The following CNN3 variants were observed in gnomAD, a reference collection of about 807,000 sequenced individuals.
The protein encoded by CNN3 is calponin-3.
In CNN3, 11 loss-of-function variants were observed where a neutral mutation model predicts 39.0. The observed-to-expected ratio is 0.28, with a 90% CI of 0.18 to 0.47. The LOEUF is 0.47. CNN3 is among the 20% of genes least tolerant of loss of function. The pLI is 0.99. For synonymous variants in CNN3, 101 were observed against 138.3 expected (o/e 0.73, Z 1.89); for missense variants, 266 against 403.4 (o/e 0.66, Z 2.92).
At position 94,911,376 on chromosome 1, in the gene CNN3, T is replaced by C. The variant is rs117062170; in HGVS notation, c.58-7852A>G. Reference sequence around the variant, plus strand: ...GTGTCTTCAGATCAAGGTATCAGCATATGGCACCAACCAGCACAAATTTTT... The same window carrying C: ...GTGTCTTCAGATCAAGGTATCAGCACATGGCACCAACCAGCACAAATTTTT... On this transcript the variant is annotated intron_variant, in intron 1 of 6. Coordinates refer to ENST00000370206, the MANE Select transcript of CNN3 (RefSeq NM_001839.5). 5.2e-4 allele frequency among the ~76,000 whole-genome samples: 79 copies of C among 152,330 alleles called. No homozygotes were observed. In the East Asian group the frequency reaches 0.012, roughly 23 times the overall value.
intron 1 of CNN3, among the ~76,000 whole-genome samples, chr1:94,913,573 G>A (rs948745199): frequency 6.6e-6 from 1 of 152,240 alleles, no homozygotes; most frequent in Non-Finnish European, 1.5e-5. Flanking sequence ...GCATTCTGAA[G>A]GGACACTGAT....
intron 1 of CNN3, among the ~76,000 whole-genome samples, chr1:94,911,626 G>A (rs1671167307): frequency 6.6e-6 from 1 of 152,074 alleles, no homozygotes; most frequent in Admixed American, 6.6e-5. Context: ...AAAATTAGCT[G>A]GGCATGATGG....
At position 94,903,137 on chromosome 1, in the gene CNN3, TGAGGA is replaced by T. The variant is rs1465397189; in HGVS notation, c.226_230del (p.Ser76ThrfsTer14). On this transcript the variant is annotated frameshift_variant, in exon 3 of 7. Coordinates refer to ENST00000370206, the MANE Select transcript of CNN3 (RefSeq NM_001839.5). LOFTEE classifies it high-confidence loss of function. The stretch of plus-strand genomic sequence containing the variant: ...TGGCTGTTACCTGAGGCCAGTTCAG[TGAGGA>T]CTCGTTGACCTTCTTCACTGAGCCT... The T allele has an allele frequency of 1.2e-6, 2 of 1,610,114 alleles. No homozygotes were observed. Among genetic ancestry groups the T allele is most frequent in the Non-Finnish European group, 1.7e-6 (2 of 1,177,892 alleles).
At chr1:94,907,676 C>A (rs369628557) in intron 1 of CNN3, among the ~76,000 whole-genome samples, 1 of 152,100 alleles carries the variant, frequency 6.6e-6, no homozygotes, top group Non-Finnish European at 1.5e-5. Flanking sequence ...CTGGCTAACA[C>A]GGTGAAACCC....
At chr1:94,912,679 C>T (rs1012468060) in intron 1 of CNN3, among the ~76,000 whole-genome samples, 2 of 152,226 alleles carry the variant, frequency 1.3e-5, no homozygotes, top group African/African-American at 4.8e-5. Context: ...TTTTCACCCA[C>T]TGACAGGATT....
intron 1 of CNN3, among the ~76,000 whole-genome samples, chr1:94,918,859 C>T (rs1671362072): frequency 6.6e-6 from 1 of 150,524 alleles, no homozygotes; most frequent in Non-Finnish European, 1.5e-5. Flanking sequence ...TGCCACTGTA[C>T]TCCAGCCCAG....
intron 5 of CNN3, 57 bp downstream of exon 5, chr1:94,901,612 T>C: frequency 4.2e-6 from 5 of 1,194,370 alleles, no homozygotes; most frequent in East Asian, 2.4e-5. Context: ...ATATTTTGCA[T>C]GGTGAGAATT....
chr1:94,908,145 T>C (rs1202886810), intron 1 of CNN3, among the ~76,000 whole-genome samples: 1 of 152,216 alleles, frequency 6.6e-6, no homozygotes, highest in Non-Finnish European at 1.5e-5. Flanking sequence ...GCACACCTGC[T>C]GGAGACTCCT....
chr1:94,904,688 AGT>A (rs1422484763), intron 1 of CNN3, among the ~76,000 whole-genome samples: 1 of 152,110 alleles, frequency 6.6e-6, no homozygotes, highest in Non-Finnish European at 1.5e-5. Context: ...TCGAGGCTAC[AGT>A]GAGCCATGAT....
At chr1:94,925,764 G>T in intron 1 of CNN3, 1 of 985,456 alleles carries the variant, frequency 1.0e-6, no homozygotes, top group Non-Finnish European at 1.2e-6. Flanking sequence ...CTCCCGGGAG[G>T]TTAATGGGAA....
chr1:94,925,530 A>G, intron 1 of CNN3: 1 of 885,274 alleles, frequency 1.1e-6, no homozygotes, highest in Non-Finnish European at 1.4e-6. Flanking sequence ...TACATAGACT[A>G]AAATCAACTC....
At chr1:94,907,151 G>C (rs915029725) in intron 1 of CNN3, among the ~76,000 whole-genome samples, 4 of 152,126 alleles carry the variant, frequency 2.6e-5, no homozygotes, top group African/African-American at 9.7e-5. Flanking sequence ...GAAGAAATTC[G>C]TATGTACAAG....
At chr1:94,903,567 C>T (rs1404541274) in intron 1 of CNN3, 43 bp from the exon 2 acceptor site, 4 of 1,611,682 alleles carry the variant, frequency 2.5e-6, no homozygotes, top group Non-Finnish European at 3.4e-6. Context: ...TTCACAAAAG[C>T]ATCAGAAACT....
intron 1 of CNN3, among the ~76,000 whole-genome samples, chr1:94,918,519 A>AAAAAAAAAAAAAAAAC: frequency 7.3e-6 from 1 of 136,930 alleles, no homozygotes; most frequent in Non-Finnish European, 1.6e-5. Flanking sequence ...AAAAAAAAAA[A>AAAAAAAAAAAAAAAAC]AGTCGGCAAG....
chr1:94,908,448 G>A (rs1671070966), intron 1 of CNN3, among the ~76,000 whole-genome samples: 1 of 152,202 alleles, frequency 6.6e-6, no homozygotes, highest in African/African-American at 2.4e-5. Flanking sequence ...TCACCCTTCA[G>A]TTCAAATGCA....
chr1:94,898,188 G>T, intron 6 of CNN3, 105 bp from the exon 7 acceptor site: 2 of 1,167,332 alleles, frequency 1.7e-6, no homozygotes, highest in Non-Finnish European at 2.4e-6. Flanking sequence ...AGTAATACAT[G>T]AACTTTCATT....
rs939298095 is a variant in CNN3, at chr1:94,926,379, C to G, written c.57+459G>C. ...GGCGGTCTCTCTCCCCGTGGGGAGG[C>G]GCGGAGTCCGCCAGCACCCGGGGCC... On this transcript the variant is annotated intron_variant, in intron 1 of 6. Transcript: ENST00000370206. This position sits in a 1 kb window ranked among gnomAD's most constrained non-coding sequence, Gnocchi z 4.2. 9.2e-5 allele frequency among the ~76,000 whole-genome samples: 14 copies of G among 152,274 alleles called. No homozygotes were observed. Among genetic ancestry groups the G allele is most frequent in the Admixed American group, 9.1e-4 (14 of 15,312 alleles).
chr1:94,903,789 T>C (rs1025124192), intron 1 of CNN3, among the ~76,000 whole-genome samples: 1 of 152,084 alleles, frequency 6.6e-6, no homozygotes, highest in African/African-American at 2.4e-5. Flanking sequence ...TCAAGAGACA[T>C]CAGATTTCAT....
At chr1:94,900,118 C>T (rs752998699) in intron 5 of CNN3, among the ~76,000 whole-genome samples, 1 of 152,092 alleles carries the variant, frequency 6.6e-6, no homozygotes, top group Non-Finnish European at 1.5e-5. Context: ...ATTTTTCTTC[C>T]CCACTGAGAA....
Sources: allele counts gnomAD v4.1 joint callset (sites outside exome capture counted in the v4.1 genomes callset), GRCh38; gene constraint gnomAD v4.1.1; non-coding constraint Gnocchi (gnomAD v3.1); transcripts MANE v1.5; gene names NCBI Gene and HGNC (gene_info 2026-07-23, HGNC 2026-07-21).